ONECUT3: variants seen among roughly 807,000 people sequenced by gnomAD.
The protein encoded by ONECUT3 is one cut homeobox 3.
Under a neutral mutation model 16.8 loss-of-function variants are expected in ONECUT3, and 11 were observed. That is an observed-to-expected ratio of 0.66 (90% CI 0.41 to 1.09). ONECUT3 has a LOEUF of 1.09. ONECUT3 is among the 50% of genes least tolerant of loss of function. The pLI is 0.00. For missense variants in ONECUT3, 637 were observed against 629.9 expected, an observed-to-expected ratio of 1.01 and a Z score of -0.12; for synonymous variants, 344 against 310.7, an observed-to-expected ratio of 1.11 and a Z score of -1.13.
chr19:1,775,092 C>CCGG (rs1384238923), intron 1 of ONECUT3, 61 bp from the exon 2 acceptor site: 1 of 1,207,234 alleles, frequency 8.3e-7, no homozygotes, highest in Non-Finnish European at 1.1e-6. Flanking sequence ...CTGCCTCTCC[C>CCGG]CGGCCGGCCA....
rs8113668 is a variant in ONECUT3 at position 1,762,582 on chromosome 19, C to T, written c.1192+7728C>T. On this transcript the variant is annotated intron_variant, in intron 1 of 1. Coordinates refer to ENST00000382349, the MANE Select transcript of ONECUT3 (RefSeq NM_001080488.2). This position sits in a 1 kb window ranked among gnomAD's most constrained non-coding sequence, Gnocchi z 4.4. ...CTTGGCGGGTGTGTGGATCCCAGAGCGCGCCCGGCCCCCAACAGCCTGACA... is the reference window on the plus strand; with the variant it reads ...CTTGGCGGGTGTGTGGATCCCAGAGTGCGCCCGGCCCCCAACAGCCTGACA... 0.031 allele frequency among the ~76,000 whole-genome samples: 4,753 copies of T among 152,154 alleles called. 256 individuals carry two copies. Among genetic ancestry groups the T allele is most frequent in the African/African-American group, 0.11 (4,529 of 41,486 alleles).
chr19:1,777,405 T>G lies in ONECUT3; in HGVS notation c.*1960T>G, dbSNP rs965112090. 1 of 151,738 alleles carries G rather than the reference T, an allele frequency of 6.6e-6. No individual in the cohort carries two copies. The highest frequency in any genetic ancestry group is 2.4e-5 in the African/African-American group (1 of 41,116). 9.4% of individuals were successfully genotyped at this position (151,738 alleles called of 1,614,324 possible). On this transcript the variant is annotated 3_prime_UTR_variant, in exon 2 of 2. Transcript: ENST00000382349. Reference sequence around the variant, plus strand: ...AGACATGCAGACACGCAGGCACACATGCACACATGCAAAGACACGCATGCA... The same window carrying G: ...AGACATGCAGACACGCAGGCACACAGGCACACATGCAAAGACACGCATGCA...
At chr19:1,769,268 C>CTGGAGGTGG (rs1201696709) in intron 1 of ONECUT3, among the ~76,000 whole-genome samples, 2 of 150,458 alleles carry the variant, frequency 1.3e-5, no homozygotes, top group African/African-American at 4.9e-5. Context: ...GGAGGAGGTG[C>CTGGAGGTGG]TGGAGTTGGA....
rs778625841 is a variant in ONECUT3, at chr19:1,775,195, T to A, written c.1235T>A (p.Leu412Gln). 4 of 1,503,094 alleles carry A rather than the reference T, an allele frequency of 2.7e-6. No individual in the cohort carries two copies. The South Asian group carries it at 4.8e-5, about 18-fold the overall frequency. The allele number at this position is 1,503,094 out of a possible 1,614,324, so 93.1% of individuals were successfully genotyped here. Residue 412 changes from leucine (L) to glutamine (Q), a missense_variant, in exon 2 of 2, where the codon CTG becomes CAG. Around this residue, in one of 3 missense-constraint regions of ONECUT3, gnomAD observed 183 missense variants for 188.3 expected, o/e 0.97. Coordinates refer to ENST00000382349, the MANE Select transcript of ONECUT3 (RefSeq NM_001080488.2). ...KEQEQQKERALQPKKQRLVFT... is the reference protein window; with the variant it reads ...KEQEQQKERAQQPKKQRLVFT... ...CAGGAGCAGCAGAAGGAGCGCGCCCTGCAGCCCAAGAAGCAGCGCCTGGTG... is the reference window on the plus strand; with the variant it reads ...CAGGAGCAGCAGAAGGAGCGCGCCCAGCAGCCCAAGAAGCAGCGCCTGGTG...
rs937377923 is a variant in ONECUT3 at position 1,756,838 on chromosome 19, C to T, written c.1192+1984C>T. 4.0e-5 allele frequency among the ~76,000 whole-genome samples: 6 copies of T among 151,814 alleles called. 1 individual carries two copies. The South Asian group carries it at 1.0e-3, about 26-fold the overall frequency. ...GCTGGGATTACACAGGCTTGAGCCACCCCGCCGGGCCTCCCTCTGACGTTT... is the reference window on the plus strand; with the variant it reads ...GCTGGGATTACACAGGCTTGAGCCATCCCGCCGGGCCTCCCTCTGACGTTT... On this transcript the variant is annotated intron_variant, in intron 1 of 1. Transcript: ENST00000382349.
At chr19:1,770,203 G>T (rs1314368122) in intron 1 of ONECUT3, among the ~76,000 whole-genome samples, 7 of 152,158 alleles carry the variant, frequency 4.6e-5, no homozygotes. Flanking sequence ...GACCAGCCTG[G>T]ACAACATAGT....
Position 1,755,100 on chromosome 19 carries a change from G to C in ONECUT3, c.1192+246G>C, listed in dbSNP as rs1436245780. Reference sequence around the variant, plus strand: ...CCCGGTCGCCGCTTCTGCCCCTTTCGGGAGCGCGTAGGGGTTCTCTAGTCC... The same window carrying C: ...CCCGGTCGCCGCTTCTGCCCCTTTCCGGAGCGCGTAGGGGTTCTCTAGTCC... On this transcript the variant is annotated intron_variant, in intron 1 of 1. Coordinates refer to ENST00000382349, the MANE Select transcript of ONECUT3 (RefSeq NM_001080488.2). This position sits in a 1 kb window ranked among gnomAD's most constrained non-coding sequence, Gnocchi z 7.5. Among the ~76,000 whole-genome samples, 2 of 152,180 alleles carry C rather than the reference G, an allele frequency of 1.3e-5. No homozygotes were observed. Among genetic ancestry groups the C allele is most frequent in the Non-Finnish European group, 2.9e-5 (2 of 68,028 alleles).
At chr19:1,770,152 G>A (rs2068040929) in intron 1 of ONECUT3, among the ~76,000 whole-genome samples, 1 of 152,164 alleles carries the variant, frequency 6.6e-6, no homozygotes, top group African/African-American at 2.4e-5. Flanking sequence ...CAGCACTTTG[G>A]GAAGCTGAAG....
chr19:1,772,178 T>G (rs2068061616), intron 1 of ONECUT3, among the ~76,000 whole-genome samples: 1 of 151,514 alleles, frequency 6.6e-6, no homozygotes, highest in Non-Finnish European at 1.5e-5. Flanking sequence ...CTCAGCTAAT[T>G]TTTTTTGTAT....
rs1054396002 is a variant in ONECUT3 at position 1,754,283 on chromosome 19, G to T, written c.621G>T (p.Pro207=). 9.5e-7 allele frequency: 1 copy of T among 1,056,388 alleles called. No homozygotes were observed. The highest frequency in any genetic ancestry group is 1.1e-6 in the Non-Finnish European group (1 of 880,466). 65.4% of individuals were successfully genotyped at this position (1,056,388 alleles called of 1,614,324 possible). A position where few individuals can be genotyped will look rare whatever the true frequency, so the allele number is the denominator to read the frequency against. ...TGTCGCCGCTGCCCAACGCGCTGCC[G>T]CCCGCGCTGCACGGCGCCCCGCAGC... The part of the protein sequence containing the change: ...SPLSPLPNAL[P]PALHGAPQPP... The change falls in exon 1 of 2, where the codon CCG becomes CCT. Residue 207 remains proline, a synonymous_variant. Coordinates refer to ENST00000382349, the MANE Select transcript of ONECUT3 (RefSeq NM_001080488.2). The surrounding 1 kb of genome is among the most constrained non-coding windows in gnomAD (Gnocchi z 7.4).
chr19:1,757,208 C>G (rs1385076723), intron 1 of ONECUT3, among the ~76,000 whole-genome samples: 1 of 152,236 alleles, frequency 6.6e-6, no homozygotes, highest in Non-Finnish European at 1.5e-5. Context: ...CCTGCTTCGC[C>G]TGCACCTGAC....
intron 1 of ONECUT3, among the ~76,000 whole-genome samples, chr19:1,769,248 TGGTGGAGGA>T (rs2145965054): frequency 6.8e-6 from 1 of 147,850 alleles, no homozygotes; most frequent in South Asian, 2.2e-4. Flanking sequence ...GTGCTGGAGG[TGGTGGAGGA>T]GGAGGAGGTG....
In ONECUT3 at chr19:1,754,930, C is replaced by T. The variant is rs1161780850; in HGVS notation, c.1192+76C>T. On this transcript the variant is annotated intron_variant, in intron 1 of 1. Coordinates refer to ENST00000382349, the MANE Select transcript of ONECUT3 (RefSeq NM_001080488.2). The surrounding 1 kb of genome is among the most constrained non-coding windows in gnomAD (Gnocchi z 7.4). The stretch of plus-strand genomic sequence containing the variant: ...CCCGAGCACCTAGCGGGGCGGCGGC[C>T]GATGCCCGGGGCCAGCGCCCCAAGC... The T allele has an allele frequency of 3.1e-6, 4 of 1,281,572 alleles. No homozygotes were observed. In the African/African-American group the frequency reaches 4.7e-5, roughly 15 times the overall value. The allele number at this position is 1,281,572 out of a possible 1,614,324, so 79.4% of individuals were successfully genotyped here.
chr19:1,760,853 G>C (rs1463128337), intron 1 of ONECUT3, among the ~76,000 whole-genome samples: 1 of 152,162 alleles, frequency 6.6e-6, no homozygotes, highest in African/African-American at 2.4e-5. Flanking sequence ...GTGGTGAGGG[G>C]CTGGAGCTGG....
At chr19:1,770,265 G>T (rs1353288470) in intron 1 of ONECUT3, among the ~76,000 whole-genome samples, 7 of 151,988 alleles carry the variant, frequency 4.6e-5, no homozygotes, top group Non-Finnish European at 8.8e-5. Context: ...GTTTGTGGGG[G>T]TTTTTTGTTT....
intron 1 of ONECUT3, among the ~76,000 whole-genome samples, chr19:1,772,824 G>C (rs1199136190): frequency 6.8e-6 from 1 of 147,196 alleles, no homozygotes; most frequent in Middle Eastern, 3.3e-3. Flanking sequence ...CTCCCGAGTA[G>C]CTGGGATTAC....
chr19:1,775,490 T>C lies in ONECUT3; in HGVS notation c.*45T>C, dbSNP rs913736627. 2 of 1,418,040 alleles carry C rather than the reference T, an allele frequency of 1.4e-6. No homozygotes were observed. Among genetic ancestry groups the C allele is most frequent in the Non-Finnish European group, 1.8e-6 (2 of 1,093,980 alleles). 87.8% of individuals were successfully genotyped at this position (1,418,040 alleles called of 1,614,324 possible). A position where few individuals can be genotyped will look rare whatever the true frequency, so the allele number is the denominator to read the frequency against. ...CTCCCTGCCTCCACGGCCTGGGCGCTGTGCCCCCACGTCACCTCCCCACAT... is the reference window on the plus strand; with the variant it reads ...CTCCCTGCCTCCACGGCCTGGGCGCCGTGCCCCCACGTCACCTCCCCACAT... On this transcript the variant is annotated 3_prime_UTR_variant, in exon 2 of 2. Transcript: ENST00000382349.
At chr19:1,761,703 A>G (rs2067947306) in intron 1 of ONECUT3, among the ~76,000 whole-genome samples, 1 of 152,172 alleles carries the variant, frequency 6.6e-6, no homozygotes, top group South Asian at 2.1e-4. Context: ...TAGGGAGGGA[A>G]GCACTGGTGG....
rs1339969113 is a variant in ONECUT3 at position 1,755,983 on chromosome 19, C to CGGCGGCT, written c.1192+1134_1192+1140dup. ...ACCCGGGCCACAGGGACAATAGCCG[C>CGGCGGCT]GGCGGCTGGCGCCTGATCGATCGCT... On this transcript the variant is annotated intron_variant, in intron 1 of 1. Transcript: ENST00000382349. This position sits in a 1 kb window ranked among gnomAD's most constrained non-coding sequence, Gnocchi z 7.5. Among the ~76,000 whole-genome samples the CGGCGGCT allele has an allele frequency of 6.6e-6, 1 of 152,190 alleles. No individual in the cohort carries two copies. Among genetic ancestry groups the CGGCGGCT allele is most frequent in the African/African-American group, 2.4e-5 (1 of 41,440 alleles).
Sources: allele counts gnomAD v4.1 joint callset (sites outside exome capture counted in the v4.1 genomes callset), GRCh38; gene constraint gnomAD v4.1.1; regional missense constraint gnomAD v4.1.1; non-coding constraint Gnocchi (gnomAD v3.1); transcripts MANE v1.5; gene names NCBI Gene and HGNC (gene_info 2026-07-23, HGNC 2026-07-21).